ABCA12: variants seen among roughly 807,000 people sequenced by gnomAD.
ABCA12 encodes the protein ATP binding cassette subfamily A member 12.
ABCA12 carries 156 observed loss-of-function variants against 293.5 expected under a neutral mutation model. The observed-to-expected ratio is 0.53, with a 90% CI of 0.47 to 0.61. The LOEUF (loss-of-function observed/expected upper bound fraction) is 0.61. Ranked by LOEUF, ABCA12 falls within the 20% of genes least tolerant of loss-of-function variation. The pLI is 0.00. For synonymous variants in ABCA12, 1,063 were observed against 1,108.0 expected (o/e 0.96, Z 0.81); for missense variants, 2,797 against 3,090.2 (o/e 0.91, Z 2.25).
At chr2:215,007,230 T>A (rs529115061) in intron 19 of ABCA12, among the ~76,000 whole-genome samples, 2 of 152,152 alleles carry the variant, frequency 1.3e-5, no homozygotes, top group African/African-American at 4.8e-5. Context: ...TAAACGTAAA[T>A]TCAGATAAAT....
intron 3 of ABCA12, among the ~76,000 whole-genome samples, chr2:215,057,559 G>A (rs576636665): frequency 7.9e-5 from 12 of 151,324 alleles, no homozygotes; most frequent in South Asian, 6.3e-4. Context: ...ACCCAGAGCC[G>A]TGTAACCCCT....
At position 215,072,153 on chromosome 2, in the gene ABCA12, C is replaced by T. The variant is rs77124286; in HGVS notation, c.164-7934G>A. 3.3e-3 allele frequency among the ~76,000 whole-genome samples: 503 copies of T among 152,272 alleles called. 25 individuals are homozygous for T. In the East Asian group the frequency reaches 0.078, roughly 23 times the overall value. On this transcript the variant is annotated intron_variant, in intron 2 of 52. Transcript: ENST00000272895. ...GTTGGCACCTGAATATGTTCAATTG[C>T]TACAGCCACAAGGAACAAGAACAAA...
Position 215,052,563 on chromosome 2 carries a change from C to A in ABCA12, c.431G>T (p.Ser144Ile). The change falls in exon 5 of 53, where the codon AGT (serine) becomes ATT (isoleucine). Residue 144 changes from serine to isoleucine, a missense_variant. This residue lies in a region of ABCA12 where 656 missense variants were observed against 638.2 expected (regional missense o/e 1.03). Coordinates refer to ENST00000272895, the MANE Select transcript of ABCA12 (RefSeq NM_173076.3). ...TGTTCCGGGGATTTCCAAATCAGAA[C>A]TTGGACTGGGAAATACTGTGGCTGT... ...ASLATVFPSP[S>I]SDLEIPGTYT... The A allele has an allele frequency of 6.2e-7, 1 of 1,612,388 alleles. No homozygotes were observed.
At chr2:214,948,310 C>CTAA (rs1698642984) in intron 47 of ABCA12, among the ~76,000 whole-genome samples, 1 of 152,128 alleles carries the variant, frequency 6.6e-6, no homozygotes, top group African/African-American at 2.4e-5. Flanking sequence ...AGCCCAGAGC[C>CTAA]TAATGCAAGT....
At chr2:215,105,578 G>T in intron 2 of ABCA12, among the ~76,000 whole-genome samples, 1 of 142,812 alleles carries the variant, frequency 7.0e-6, no homozygotes, top group Middle Eastern at 3.6e-3. Context: ...AGGGCTTCAA[G>T]ACACACACAC....
At position 215,107,612 on chromosome 2, in the gene ABCA12, G is replaced by T. The variant is rs1465516765; in HGVS notation, c.163+3985C>A. On this transcript the variant is annotated intron_variant, in intron 2 of 52. Coordinates refer to ENST00000272895, the MANE Select transcript of ABCA12 (RefSeq NM_173076.3). ...TGTTATCTGGACCAGCACCAATGGTGTCAGGGATTGCAGCTGGTTCCCGCT... is the reference window on the plus strand; with the variant it reads ...TGTTATCTGGACCAGCACCAATGGTTTCAGGGATTGCAGCTGGTTCCCGCT... Among the ~76,000 whole-genome samples the T allele has an allele frequency of 2.6e-5, 4 of 152,212 alleles. No individual in the cohort carries two copies. In the East Asian group the frequency reaches 7.7e-4, roughly 29 times the overall value.
chr2:214,932,789 G>A (rs1374873090), intron 52 of ABCA12, 48 bp from the exon 53 acceptor site: 12 of 1,373,458 alleles, frequency 8.7e-6, no homozygotes, highest in Non-Finnish European at 1.2e-5. Flanking sequence ...TAAGCCAAAG[G>A]AAAAAATAAA....
At chr2:214,997,075 A>T (rs1700050999) in intron 23 of ABCA12, among the ~76,000 whole-genome samples, 1 of 152,200 alleles carries the variant, frequency 6.6e-6, no homozygotes, top group Non-Finnish European at 1.5e-5. Context: ...GTTAATGATG[A>T]AGAACGTGCC....
intron 5 of ABCA12, among the ~76,000 whole-genome samples, chr2:215,051,982 T>G (rs542417667): frequency 6.6e-6 from 1 of 152,196 alleles, no homozygotes; most frequent in Admixed American, 6.6e-5. Context: ...ATGTTCATTA[T>G]CTTGCAATCT....
In ABCA12 at chr2:214,947,412, A is replaced by G. The variant is rs777524736; in HGVS notation, c.7239+10T>C. On this transcript the variant is annotated intron_variant, in intron 48 of 52. Transcript: ENST00000272895. ...TATGGAGTGGCCTGTTTAAATAATG[A>G]TTCTCTTACCAGCAGTAGAATGGAA... 6.2e-7 allele frequency: 1 copy of G among 1,613,818 alleles called. No homozygotes were observed. The highest frequency in any genetic ancestry group is 2.2e-5 in the East Asian group (1 of 44,854).
intron 1 of ABCA12, among the ~76,000 whole-genome samples, chr2:215,132,220 G>A (rs1347339884): frequency 1.3e-5 from 2 of 151,998 alleles, no homozygotes; most frequent in Non-Finnish European, 2.9e-5. Flanking sequence ...TGCAGTTGTT[G>A]GGTATAATGT....
intron 21 of ABCA12, among the ~76,000 whole-genome samples, 193 bp downstream of exon 21, chr2:215,001,365 G>T (rs1458703153): frequency 1.3e-5 from 2 of 152,130 alleles, no homozygotes; most frequent in Non-Finnish European, 2.9e-5. Context: ...TTAATTTGAA[G>T]TACACCAACA....
intron 2 of ABCA12, among the ~76,000 whole-genome samples, chr2:215,094,581 C>A (rs1486287808): frequency 1.3e-5 from 2 of 152,154 alleles, no homozygotes; most frequent in East Asian, 1.9e-4. Context: ...CACTAGCCTG[C>A]CTCTTAGAAC....
At chr2:215,031,448 A>G (rs751627064) in intron 9 of ABCA12, among the ~76,000 whole-genome samples, 11 of 152,176 alleles carry the variant, frequency 7.2e-5, no homozygotes, top group Non-Finnish European at 1.3e-4. Flanking sequence ...GTATTTTGCT[A>G]TAGCAGCCTG....
intron 28 of ABCA12, among the ~76,000 whole-genome samples, chr2:214,984,155 G>A (rs1306424480): frequency 8.0e-6 from 1 of 124,498 alleles, no homozygotes; most frequent in Admixed American, 1.0e-4. Context: ...GGAGTGCAGT[G>A]GCACGATCTC....
intron 2 of ABCA12, among the ~76,000 whole-genome samples, chr2:215,103,609 C>T (rs1702404255): frequency 6.6e-6 from 1 of 151,952 alleles, no homozygotes; most frequent in Admixed American, 6.6e-5. Context: ...TCAGTTTCCT[C>T]ATCTGACAAA....
intron 11 of ABCA12, among the ~76,000 whole-genome samples, chr2:215,021,052 T>G (rs541629303): frequency 6.6e-6 from 1 of 152,252 alleles, no homozygotes; most frequent in Non-Finnish European, 1.5e-5. Flanking sequence ...GGTTTCACCT[T>G]GTTGCCCTGG....
rs762590456 is a variant in ABCA12, at chr2:215,019,464, AAAG to A, written c.1545-19_1545-17del. Reference sequence around the variant, plus strand: ...TTCTAGAAACCTGGAACAAAACAGAAAAGAAGAAATTCAACTAAGTATTTCAAT... The same window carrying A: ...TTCTAGAAACCTGGAACAAAACAGAAAAGAAATTCAACTAAGTATTTCAAT... On this transcript the variant is annotated splice_polypyrimidine_tract_variant and intron_variant, in intron 12 of 52. Coordinates refer to ENST00000272895, the MANE Select transcript of ABCA12 (RefSeq NM_173076.3). The A allele has an allele frequency of 4.3e-6, 7 of 1,613,814 alleles. 1 individual carries two copies. Among genetic ancestry groups the A allele is most frequent in the South Asian group, 2.2e-5 (2 of 91,076 alleles).
At chr2:214,945,716 T>C (rs369263878) in intron 48 of ABCA12, among the ~76,000 whole-genome samples, 2 of 152,130 alleles carry the variant, frequency 1.3e-5, no homozygotes, top group African/African-American at 2.4e-5. Context: ...AAACATACAA[T>C]AACAGGTTTT....
Sources: allele counts gnomAD v4.1 joint callset (sites outside exome capture counted in the v4.1 genomes callset), GRCh38; gene constraint gnomAD v4.1.1; regional missense constraint gnomAD v4.1.1; transcripts MANE v1.5; gene names NCBI Gene and HGNC (gene_info 2026-07-23, HGNC 2026-07-21).